ASPSCR1: variants seen among roughly 807,000 people sequenced by gnomAD.
ASPSCR1 encodes tether containing UBX domain for GLUT4.
In ASPSCR1, 55 loss-of-function variants were observed where a neutral mutation model predicts 68.9. That is an observed-to-expected ratio of 0.80 (90% CI 0.64 to 1.00). The LOEUF is 1.00. Ranked by LOEUF, ASPSCR1 falls within the 50% of genes least tolerant of loss-of-function variation. The pLI is 0.00. For synonymous variants in ASPSCR1, 352 were observed against 332.6 expected, an observed-to-expected ratio of 1.06 and a Z score of -0.63; for missense variants, 765 against 762.2, an observed-to-expected ratio of 1.00 and a Z score of -0.04.
rs572372952 is a variant in ASPSCR1, at chr17:81,986,585, C to G, written c.374+978C>G. On this transcript the variant is annotated intron_variant, in intron 4 of 15. Transcript: ENST00000306739. This position sits in a 1 kb window ranked among gnomAD's most constrained non-coding sequence, Gnocchi z 5.2. ...TCTCTGTCCACAGTAAAAGGCTCAGCAGAATGGAAGGGACTTGGGGCTGGG... is the reference window on the plus strand; with the variant it reads ...TCTCTGTCCACAGTAAAAGGCTCAGGAGAATGGAAGGGACTTGGGGCTGGG... Among the ~76,000 whole-genome samples the G allele has an allele frequency of 2.0e-5, 3 of 152,272 alleles. No individual in the cohort carries two copies. The South Asian group carries it at 6.2e-4, about 32-fold the overall frequency.
chr17:81,992,358 A>C (rs1159803829), intron 4 of ASPSCR1, among the ~76,000 whole-genome samples: 1 of 152,124 alleles, frequency 6.6e-6, no homozygotes, highest in African/African-American at 2.4e-5. Context: ...CCCCTCCCTG[A>C]GATCCCGCAT....
Position 82,017,036 on chromosome 17 carries a change from C to T in ASPSCR1, c.1571C>T (p.Pro524Leu), listed in dbSNP as rs776037647. The T allele has an allele frequency of 1.2e-6, 2 of 1,612,172 alleles. No individual in the cohort carries two copies. Among genetic ancestry groups the T allele is most frequent in the East Asian group, 4.5e-5 (2 of 44,870 alleles). Residue 524 changes from proline (P) to leucine (L), a missense_variant, in exon 15 of 16, where the codon CCC (proline) becomes CTC (leucine). By Grantham distance (98) the Pro-to-Leu change is moderately conservative (BLOSUM62 -3). Coordinates refer to ENST00000306739, the MANE Select transcript of ASPSCR1 (RefSeq NM_024083.4). ...GCTGCTGAGGAGGGGGCGCTGGTCC[C>T]CCCTGAGCCCATCCCAGGGACGGCC... Reference protein sequence around the residue: ...EPAAEEGALVPPEPIPGTAQP... With the variant: ...EPAAEEGALVLPEPIPGTAQP...
intron 1 of ASPSCR1, 65 bp from the exon 2 acceptor site, chr17:81,979,119 C>A: frequency 6.4e-7 from 1 of 1,566,216 alleles, no homozygotes; most frequent in Non-Finnish European, 8.8e-7. Flanking sequence ...CTTGGCTGAC[C>A]TGGCCCACTG....
Position 82,017,006 on chromosome 17 carries a change from A to C in ASPSCR1, c.1541A>C (p.Glu514Ala). ...LPAPDPAPKS[E>A]PAAEEGALVP... ...GCCCCTGACCCTGCACCTAAGTCTG[A>C]GCCAGCTGCTGAGGAGGGGGCGCTG... Residue 514 changes from glutamate to alanine, a missense_variant, in exon 15 of 16, where the codon GAG becomes GCG. Transcript: ENST00000306739. 6.2e-7 allele frequency: 1 copy of C among 1,612,544 alleles called. No individual in the cohort carries two copies. The highest frequency in any genetic ancestry group is 8.5e-7 in the Non-Finnish European group (1 of 1,179,872).
At chr17:81,985,036 C>T (rs890092356) in intron 3 of ASPSCR1, among the ~76,000 whole-genome samples, 11 of 122,356 alleles carry the variant, frequency 9.0e-5, no homozygotes, top group African/African-American at 3.7e-4. Context: ...CCAACATGCA[C>T]ACACCTCCCC....
chr17:82,010,603 G>T (rs1284448135), intron 9 of ASPSCR1, among the ~76,000 whole-genome samples, 199 bp from the exon 10 acceptor site: 2 of 151,682 alleles, frequency 1.3e-5, no homozygotes, highest in African/African-American at 2.4e-5. Flanking sequence ...AGGCCGCTGT[G>T]CACACACACG....
At chr17:81,995,287 G>A (rs186418945) in intron 5 of ASPSCR1, 4 of 369,256 alleles carry the variant, frequency 1.1e-5, no homozygotes, top group African/African-American at 6.3e-5. Context: ...TTGCTGGGGT[G>A]GGGGGGCACT....
rs13087 is a variant in ASPSCR1, at chr17:82,016,855, T to C, written c.1461T>C (p.Asp487=). Residue 487 remains aspartate (D), a synonymous_variant, in exon 14 of 16, where the codon GAT becomes GAC. Coordinates refer to ENST00000306739, the MANE Select transcript of ASPSCR1 (RefSeq NM_024083.4). ...ATGCCATCTCCCCATCTGCGGCCGA[T>C]GTGCTGGTGGCCAGGTAAGTGCCGG... ...LEHAISPSAA[D]VLVARYMSRA... 952,730 of 1,611,972 alleles carry C rather than the reference T, an allele frequency of 0.59. 285,744 individuals are homozygous for C. The highest frequency in any genetic ancestry group is 0.76 in the African/African-American group (57,074 of 74,970).
In ASPSCR1 at chr17:82,010,831, C is replaced by A; in HGVS notation, c.1200C>A (p.Arg400=). ...KVALRVLFPD[R]YVLQGFFRPS... ...CTCTGAGGGTCCTGTTCCCCGACCG[C>A]TACGTCCTACAGGGCTTCTTCCGCC... The change falls in exon 10 of 16, where the codon CGC becomes CGA. Residue 400 remains arginine, a synonymous_variant. Transcript: ENST00000306739. The A allele has an allele frequency of 1.2e-6, 2 of 1,613,214 alleles. No individual in the cohort carries two copies. The highest frequency in any genetic ancestry group is 1.7e-6 in the Non-Finnish European group (2 of 1,179,938).
At chr17:81,998,090 G>C (rs926356386) in intron 7 of ASPSCR1, among the ~76,000 whole-genome samples, 11 of 151,908 alleles carry the variant, frequency 7.2e-5, no homozygotes, top group African/African-American at 2.4e-4. Context: ...GCCTCCCAAA[G>C]TGCTGGGATT....
At chr17:82,015,318 C>G in intron 12 of ASPSCR1, 1 of 1,598,164 alleles carries the variant, frequency 6.3e-7, no homozygotes, top group Non-Finnish European at 8.5e-7. Context: ...CGATCCCTCC[C>G]GAGTCAAGGC....
chr17:81,997,256 A>G (rs1167419333), intron 7 of ASPSCR1, among the ~76,000 whole-genome samples: 6 of 151,914 alleles, frequency 3.9e-5, no homozygotes, highest in Non-Finnish European at 8.8e-5. Context: ...AGCTCAGGGC[A>G]TGGCCGTGGT....
In ASPSCR1 at chr17:81,983,714, G is replaced by A. The variant is rs369882046; in HGVS notation, c.273+46G>A. 9.3e-5 allele frequency: 140 copies of A among 1,501,070 alleles called. No homozygotes were observed. Among genetic ancestry groups the A allele is most frequent in the Non-Finnish European group, 1.2e-4 (128 of 1,093,378 alleles). The allele number at this position is 1,501,070 out of a possible 1,614,324, so 93.0% of individuals were successfully genotyped here. A position where few individuals can be genotyped will look rare whatever the true frequency, so the allele number is the denominator to read the frequency against. On this transcript the variant is annotated intron_variant, in intron 3 of 15. Coordinates refer to ENST00000306739, the MANE Select transcript of ASPSCR1 (RefSeq NM_024083.4). The surrounding 1 kb of genome is among the most constrained non-coding windows in gnomAD (Gnocchi z 4.4). ...GGCTGACTGTGTGGGGCACAGGATC[G>A]TTCAGCTGGCCAGGGACGGGGGACG...
intron 7 of ASPSCR1, among the ~76,000 whole-genome samples, chr17:82,003,646 C>T (rs563537131): frequency 3.3e-5 from 5 of 152,354 alleles, no homozygotes; most frequent in Admixed American, 6.5e-5. Flanking sequence ...GGGTGTTCCC[C>T]GTGCTTTGGA....
At chr17:82,008,899 C>A in intron 7 of ASPSCR1, 138 bp from the exon 8 acceptor site, 2 of 1,252,672 alleles carry the variant, frequency 1.6e-6, no homozygotes, top group East Asian at 2.8e-5. Flanking sequence ...TGGCCTTGGC[C>A]CTGCGCTGGC....
At chr17:81,992,573 C>T (rs2042205620) in intron 4 of ASPSCR1, among the ~76,000 whole-genome samples, 1 of 152,216 alleles carries the variant, frequency 6.6e-6, no homozygotes, top group Non-Finnish European at 1.5e-5. Context: ...ATGACCATCT[C>T]CGGACCCCTG....
rs920800972 is a variant in ASPSCR1, at chr17:82,016,528, G to A, written c.1405+1G>A. ...CACTTGGGAGCCGAGGAGCCGGCAG[G>A]TGAGTGTCAGTGGTTGGGGCCAGTG... is the stretch of plus-strand genomic sequence containing the variant. On this transcript the variant is annotated splice_donor_variant, in intron 13 of 15. Transcript: ENST00000306739. LOFTEE classifies it high-confidence loss of function. 5.2e-6 allele frequency: 8 copies of A among 1,549,104 alleles called. No homozygotes were observed. The highest frequency in any genetic ancestry group is 7.0e-6 in the Non-Finnish European group (8 of 1,146,998).
At chr17:82,010,645 C>G (rs921109303) in intron 9 of ASPSCR1, among the ~76,000 whole-genome samples, 157 bp from the exon 10 acceptor site, 2 of 152,110 alleles carry the variant, frequency 1.3e-5, no homozygotes, top group Non-Finnish European at 2.9e-5. Context: ...CAGCCTGCCA[C>G]GGGGGAGTCA....
At chr17:81,995,395 T>G in intron 5 of ASPSCR1, 1 of 221,688 alleles carries the variant, frequency 4.5e-6, no homozygotes. Flanking sequence ...CAGGTCTACG[T>G]CCTCCCTTGA....
Sources: gnomAD v4.1 joint callset for allele counts (sites outside exome capture counted in the v4.1 genomes callset) on GRCh38, gnomAD v4.1.1 for gene constraint, Gnocchi (gnomAD v3.1) non-coding constraint, MANE v1.5 for transcripts, NCBI Gene and HGNC (gene_info 2026-07-23, HGNC 2026-07-21) for gene names.